The following NUCB1 variants were observed in gnomAD, a reference collection of about 807,000 sequenced individuals.
NUCB1 encodes nucleobindin-1.
Under a neutral mutation model 61.2 loss-of-function variants are expected in NUCB1, and 47 were observed. That is an observed-to-expected ratio of 0.77 (90% CI 0.61 to 0.98). The LOEUF is 0.98. Among genes scored for constraint, NUCB1 ranks in the 50% least tolerant of loss-of-function variants. The probability of loss-of-function intolerance (pLI) is 0.00; values close to 1 mark genes in which losing one functional copy is unlikely to be tolerated. For missense variants in NUCB1, 583 were observed against 605.3 expected (o/e 0.96, Z 0.39); for synonymous variants, 234 against 243.1 (o/e 0.96, Z 0.35).
chr19:48,912,414 C>T (rs2037484215), intron 5 of NUCB1, among the ~76,000 whole-genome samples: 1 of 152,048 alleles, frequency 6.6e-6, no homozygotes, highest in African/African-American at 2.4e-5. Flanking sequence ...CTTATTCCTC[C>T]AAGATCTGGA....
chr19:48,913,118 G>A lies in NUCB1; in HGVS notation c.588G>A (p.Glu196=), dbSNP rs897084608. 32 of 1,613,928 alleles carry A rather than the reference G, an allele frequency of 2.0e-5. No individual in the cohort carries two copies. Among genetic ancestry groups the A allele is most frequent in the Non-Finnish European group, 2.7e-5 (32 of 1,180,008 alleles). The part of the protein sequence containing the change: ...ERRRYLESLG[E]EQRKEAERKL... ...GGCGTTATCTGGAGTCACTGGGAGA[G>A]GAGCAGAGAAAGGAGGCGGAGAGGA... is the stretch of plus-strand genomic sequence containing the variant. The change falls in exon 6 of 13, where the codon GAG becomes GAA. Residue 196 remains glutamate, a synonymous_variant. Transcript: ENST00000405315.
At position 48,921,810 on chromosome 19, in the gene NUCB1, C is replaced by A; in HGVS notation, c.1174-17C>A. 2 of 1,605,516 alleles carry A rather than the reference C, an allele frequency of 1.2e-6. No individual in the cohort carries two copies. Among genetic ancestry groups the A allele is most frequent in the South Asian group, 1.1e-5 (1 of 90,980 alleles). On this transcript the variant is annotated splice_polypyrimidine_tract_variant and intron_variant, in intron 11 of 12. Transcript: ENST00000405315. ...GCATCACACCCTCTTGTCTGTGTGA[C>A]CCCCCACCTCCCACAGGCTGTGCTG...
chr19:48,918,631 A>T, intron 7 of NUCB1, 95 bp from the exon 8 acceptor site: 2 of 948,132 alleles, frequency 2.1e-6, no homozygotes, highest in Non-Finnish European at 3.5e-6. Flanking sequence ...GTCCTCTGAT[A>T]ACAGACCCCA....
At chr19:48,921,697 C>A in intron 11 of NUCB1, 130 bp from the exon 12 acceptor site, 1 of 815,418 alleles carries the variant, frequency 1.2e-6, no homozygotes, top group Non-Finnish European at 2.1e-6. Context: ...GAAACTGAGG[C>A]CCACGGAGAA....
chr19:48,922,468 G>T lies in NUCB1; in HGVS notation c.*44G>T. 1.3e-6 allele frequency: 2 copies of T among 1,489,606 alleles called. No homozygotes were observed. Among genetic ancestry groups the T allele is most frequent in the South Asian group, 2.3e-5 (2 of 88,446 alleles). The allele number at this position is 1,489,606 out of a possible 1,614,324, so 92.3% of individuals were successfully genotyped here. A position where few individuals can be genotyped will look rare whatever the true frequency, so the allele number is the denominator to read the frequency against. ...CTCAGGATTCCTGATGCTCCAAGGC[G>T]ACTGATGGGCGCTGGATGAAGTGGC... is the stretch of plus-strand genomic sequence containing the variant. On this transcript the variant is annotated 3_prime_UTR_variant, in exon 13 of 13. Coordinates refer to ENST00000405315, the MANE Select transcript of NUCB1 (RefSeq NM_006184.6).
chr19:48,919,761 A>ATT lies in NUCB1; in HGVS notation c.1002+497_1002+498dup, dbSNP rs869087543. 6.8e-3 allele frequency among the ~76,000 whole-genome samples: 551 copies of ATT among 81,000 alleles called. 11 individuals are homozygous for ATT. The highest frequency in any genetic ancestry group is 0.025 in the African/African-American group (507 of 20,268). The allele number at this position is 81,000 out of a possible 152,430, so 53.1% of individuals were successfully genotyped here. On this transcript the variant is annotated intron_variant, in intron 10 of 12. Transcript: ENST00000405315. The stretch of plus-strand genomic sequence containing the variant: ...CCAAAGTGCTGGGATTAGAGGTGTG[A>ATT]TTTTTTTTTTTTTTTTTTTTTTTCT...
At chr19:48,904,499 A>AG (rs1191309101) in intron 3 of NUCB1, 45 bp downstream of exon 3, 2 of 1,068,820 alleles carry the variant, frequency 1.9e-6, no homozygotes, top group East Asian at 5.0e-5. Flanking sequence ...ACGTGCTGGG[A>AG]GGGCAGAGTT....
chr19:48,904,216 G>A (rs1472461395), intron 2 of NUCB1, 131 bp from the exon 3 acceptor site: 2 of 595,752 alleles, frequency 3.4e-6, no homozygotes, highest in East Asian at 2.8e-5. Flanking sequence ...CATCTTTGCT[G>A]CATATGTGGG....
At chr19:48,920,132 C>T (rs967817153) in intron 10 of NUCB1, among the ~76,000 whole-genome samples, 1 of 151,948 alleles carries the variant, frequency 6.6e-6, no homozygotes, top group African/African-American at 2.4e-5. Context: ...TGCTCTGAAA[C>T]TCCTGGACTC....
chr19:48,904,985 A>G (rs2122168447), intron 3 of NUCB1, among the ~76,000 whole-genome samples: 1 of 152,324 alleles, frequency 6.6e-6, no homozygotes, highest in African/African-American at 2.4e-5. Context: ...GCAGGCTTTC[A>G]GTCGCAGCTC....
intron 2 of NUCB1, among the ~76,000 whole-genome samples, chr19:48,903,743 C>T (rs1319948391): frequency 0.014 from 204 of 14,560 alleles, no homozygotes; most frequent in Non-Finnish European, 0.017. Flanking sequence ...GATGGATGGG[C>T]GGGTGGATGG....
Position 48,913,558 on chromosome 19 carries a change from C to T in NUCB1, c.751C>T (p.Leu251=). The T allele has an allele frequency of 6.2e-7, 1 of 1,613,124 alleles. No homozygotes were observed. The highest frequency in any genetic ancestry group is 1.1e-5 in the South Asian group (1 of 91,068). Reference sequence around the variant, plus strand: ...GTTTAACCCCAAGACCTTCTTCATACTGCATGGTAAGGTGGGGAGGGAGTT... The same window carrying T: ...GTTTAACCCCAAGACCTTCTTCATATTGCATGGTAAGGTGGGGAGGGAGTT... ...NRFNPKTFFI[L]HDINSDGVLD... Residue 251 remains leucine (L), a synonymous_variant, in exon 7 of 13, where the codon CTG becomes TTG. Coordinates refer to ENST00000405315, the MANE Select transcript of NUCB1 (RefSeq NM_006184.6).
chr19:48,907,481 G>A (rs1166483491), intron 4 of NUCB1, among the ~76,000 whole-genome samples: 1 of 151,418 alleles, frequency 6.6e-6, no homozygotes, highest in African/African-American at 2.4e-5. Context: ...TGCCATGTTG[G>A]CCAGGCTGGT....
At position 48,921,885 on chromosome 19, in the gene NUCB1, C is replaced by G. The variant is rs763658786; in HGVS notation, c.1232C>G (p.Ala411Gly). ...CAGCAGCAGCAGCAAGGCCACAAGG[C>G]CCCGGCTGCCCACCCTGAGGGGCAG... ...QQQQQQQGHK[A>G]PAAHPEGQLK... The change falls in exon 12 of 13, where the codon GCC (alanine) becomes GGC (glycine). Residue 411 changes from alanine to glycine, a missense_variant. Coordinates refer to ENST00000405315, the MANE Select transcript of NUCB1 (RefSeq NM_006184.6). 10 of 1,612,122 alleles carry G rather than the reference C, an allele frequency of 6.2e-6. No individual in the cohort carries two copies. Among genetic ancestry groups the G allele is most frequent in the South Asian group, 1.1e-5 (1 of 90,968 alleles).
At position 48,913,498 on chromosome 19, in the gene NUCB1, G is replaced by C; in HGVS notation, c.691G>C (p.Val231Leu). 1.2e-6 allele frequency: 2 copies of C among 1,614,186 alleles called. No individual in the cohort carries two copies. Among genetic ancestry groups the C allele is most frequent in the Non-Finnish European group, 1.7e-6 (2 of 1,180,022 alleles). The change falls in exon 7 of 13, where the codon GTG (valine) becomes CTG (leucine). Residue 231 changes from valine (V) to leucine (L), a missense_variant. Val to Leu is a conservative substitution (Grantham distance 32). Transcript: ENST00000405315. ...VPGSQAQLKE[V>L]WEELDGLDPN... ...GGGCAGCCAAGCCCAGTTGAAGGAG[G>C]TGTGGGAGGAGCTGGATGGACTGGA... is the stretch of plus-strand genomic sequence containing the variant.
At chr19:48,915,809 C>T (rs541749799) in intron 7 of NUCB1, among the ~76,000 whole-genome samples, 84 of 151,706 alleles carry the variant, frequency 5.5e-4, no homozygotes, top group Non-Finnish European at 9.6e-4. Flanking sequence ...CACCACCCCC[C>T]GTGTTTTGTT....
chr19:48,921,691 C>G, intron 11 of NUCB1, 136 bp from the exon 12 acceptor site: 1 of 799,244 alleles, frequency 1.3e-6, no homozygotes, highest in Non-Finnish European at 2.2e-6. Context: ...AAGAGAGAAA[C>G]TGAGGCCCAC....
intron 10 of NUCB1, among the ~76,000 whole-genome samples, 156 bp from the exon 11 acceptor site, chr19:48,920,998 A>AC (rs1426388886): frequency 1.3e-5 from 2 of 152,036 alleles, no homozygotes; most frequent in Non-Finnish European, 2.9e-5. Context: ...CTCGGTCTTT[A>AC]TCCCACTCCC....
chr19:48,915,748 A>G (rs749122926), intron 7 of NUCB1, among the ~76,000 whole-genome samples: 1 of 151,546 alleles, frequency 6.6e-6, no homozygotes, highest in Non-Finnish European at 1.5e-5. Context: ...CGATCCACCT[A>G]TCTTGGCCTC....
Sources: allele counts gnomAD v4.1 joint callset (sites outside exome capture counted in the v4.1 genomes callset), GRCh38; gene constraint gnomAD v4.1.1; transcripts MANE v1.5; gene names NCBI Gene and HGNC (gene_info 2026-07-23, HGNC 2026-07-21).